TARS3: variants seen among roughly 807,000 people sequenced by gnomAD.
TARS3 encodes the protein threonine--tRNA ligase 2, cytoplasmic.
In TARS3, 94 loss-of-function variants were observed where a neutral mutation model predicts 103.5. That is an observed-to-expected ratio of 0.91 (90% CI 0.77 to 1.08). TARS3 has a LOEUF of 1.08. Among genes scored for constraint, TARS3 ranks in the 50% least tolerant of loss-of-function variants. The pLI is 0.00. For synonymous variants in TARS3, 416 were observed against 355.4 expected, an observed-to-expected ratio of 1.17 and a Z score of -1.92; for missense variants, 952 against 995.2, an observed-to-expected ratio of 0.96 and a Z score of 0.58.
chr15:101,673,862 G>A (rs1455628829), intron 13 of TARS3, among the ~76,000 whole-genome samples: 1 of 152,010 alleles, frequency 6.6e-6, no homozygotes, highest in African/African-American at 2.4e-5. Context: ...TATTAATCAC[G>A]TAAAAATAAT....
At chr15:101,658,964 G>C (rs890564237) in intron 16 of TARS3, among the ~76,000 whole-genome samples, 2 of 152,022 alleles carry the variant, frequency 1.3e-5, no homozygotes, top group Non-Finnish European at 2.9e-5. Flanking sequence ...GCTAATTTTT[G>C]TATTTTCAGT....
intron 10 of TARS3, among the ~76,000 whole-genome samples, chr15:101,691,324 G>C (rs1233038896): frequency 6.6e-6 from 1 of 151,112 alleles, no homozygotes; most frequent in Non-Finnish European, 1.5e-5. Flanking sequence ...CTCTTGCCCA[G>C]GCTGGAGTGC....
At chr15:101,724,034 G>T in intron 1 of TARS3, 57 bp downstream of exon 1, 1 of 1,311,992 alleles carries the variant, frequency 7.6e-7, no homozygotes, top group South Asian at 2.0e-5. Context: ...CTTTCGGTGC[G>T]CACCGTCTCG....
Position 101,721,341 on chromosome 15 carries a change from T to A in TARS3, c.370-19A>T. ...GCTTCACCTGGAAATTATTAGAACATAATGAGATTAATATATACAGCCTAC... is the reference window on the plus strand; with the variant it reads ...GCTTCACCTGGAAATTATTAGAACAAAATGAGATTAATATATACAGCCTAC... On this transcript the variant is annotated intron_variant, in intron 2 of 18. Coordinates refer to ENST00000335968, the MANE Select transcript of TARS3 (RefSeq NM_152334.3). 1 of 1,589,982 alleles carries A rather than the reference T, an allele frequency of 6.3e-7. No homozygotes were observed.
intron 12 of TARS3, among the ~76,000 whole-genome samples, chr15:101,683,045 T>C (rs1192446715): frequency 2.0e-5 from 3 of 152,198 alleles, no homozygotes; most frequent in Admixed American, 6.5e-5. Flanking sequence ...GGTTTATCAA[T>C]TTTATTGATC....
At chr15:101,718,260 CG>C (rs902009419) in intron 3 of TARS3, among the ~76,000 whole-genome samples, 109 of 150,920 alleles carry the variant, frequency 7.2e-4, no homozygotes, top group African/African-American at 2.6e-3. Context: ...CTCAACTACT[CG>C]GGAGGCTGAG....
intron 3 of TARS3, among the ~76,000 whole-genome samples, chr15:101,719,935 C>T (rs1900363838): frequency 6.6e-6 from 1 of 152,138 alleles, no homozygotes; most frequent in South Asian, 2.1e-4. Context: ...AGGTGGGATC[C>T]CCAAATTTGC....
chr15:101,714,818 TG>T (rs1443373574), intron 4 of TARS3, 21 bp downstream of exon 4: 2 of 1,596,444 alleles, frequency 1.3e-6, no homozygotes, highest in Admixed American at 3.4e-5. Flanking sequence ...AAAGTTTGGC[TG>T]TCTGGTTTTT....
At chr15:101,705,937 G>C (rs538182624) in intron 6 of TARS3, among the ~76,000 whole-genome samples, 190 bp from the exon 7 acceptor site, 1 of 152,166 alleles carries the variant, frequency 6.6e-6, no homozygotes, top group South Asian at 2.1e-4. Context: ...CGTGGCTACT[G>C]GGCATTTCAA....
chr15:101,664,658 T>A (rs555420062), intron 15 of TARS3, among the ~76,000 whole-genome samples: 6 of 152,148 alleles, frequency 3.9e-5, no homozygotes, highest in Non-Finnish European at 7.3e-5. Flanking sequence ...ACAACCGCCT[T>A]AGGATTTAAA....
chr15:101,705,784 A>G (rs1899527957), intron 6 of TARS3, 37 bp from the exon 7 acceptor site: 1 of 1,483,388 alleles, frequency 6.7e-7, no homozygotes, highest in East Asian at 2.3e-5. Flanking sequence ...TATTACACAC[A>G]ATGTTGAAAT....
Position 101,712,017 on chromosome 15 carries a change from A to G in TARS3, c.691-16T>C, listed in dbSNP as rs1899895583. 6.2e-7 allele frequency: 1 copy of G among 1,603,382 alleles called. No homozygotes were observed. Among genetic ancestry groups the G allele is most frequent in the Non-Finnish European group, 8.5e-7 (1 of 1,176,224 alleles). ...GCCAGTACACCTGCATGGCATGGAC[A>G]AAGAGGCCATTAGCTACCAAAAGTA... On this transcript the variant is annotated splice_polypyrimidine_tract_variant and intron_variant, in intron 4 of 18. Coordinates refer to ENST00000335968, the MANE Select transcript of TARS3 (RefSeq NM_152334.3).
chr15:101,684,150 C>A lies in TARS3; in HGVS notation c.1575G>T (p.Ser525=). The A allele has an allele frequency of 6.8e-6, 11 of 1,613,966 alleles. No individual in the cohort carries two copies. The highest frequency in any genetic ancestry group is 9.3e-6 in the Non-Finnish European group (11 of 1,179,934). Residue 525 remains serine (S), a synonymous_variant, in exon 12 of 19, where the codon TCG becomes TCT. Coordinates refer to ENST00000335968, the MANE Select transcript of TARS3 (RefSeq NM_152334.3). The stretch of plus-strand genomic sequence containing the variant: ...CTCTGGTCAAGCCGCTGAGAGTCCC[C>A]GACAGTTCATTTCTATGCAGAACTC... ...DFGVLHRNEL[S]GTLSGLTRVR...
At chr15:101,681,053 T>C (rs147497535) in intron 12 of TARS3, among the ~76,000 whole-genome samples, 5 of 152,332 alleles carry the variant, frequency 3.3e-5, no homozygotes, top group Non-Finnish European at 5.9e-5. Context: ...GTTGAACATA[T>C]TACCTTTCCT....
At chr15:101,671,366 T>C (rs1276925761) in intron 15 of TARS3, 120 bp downstream of exon 15, 5 of 716,006 alleles carry the variant, frequency 7.0e-6, no homozygotes, top group African/African-American at 1.8e-5. Flanking sequence ...AACAAATATA[T>C]ATTGCGTGTA....
Position 101,711,911 on chromosome 15 carries a change from C to G in TARS3, c.781G>C (p.Gly261Arg). 6.2e-7 allele frequency: 1 copy of G among 1,613,848 alleles called. No homozygotes were observed. The highest frequency in any genetic ancestry group is 1.1e-5 in the South Asian group (1 of 91,064). ...TCAATGAACATGTCATAATAAAATC[C>G]ATTTTCAATGGGCGGACCGTAGCAC... The part of the protein sequence containing the change: ...HLCYGPPIEN[G>R]FYYDMFIEDR... The change falls in exon 5 of 19, where the codon GGA (glycine) becomes CGA (arginine). Residue 261 changes from glycine to arginine, a missense_variant. Coordinates refer to ENST00000335968, the MANE Select transcript of TARS3 (RefSeq NM_152334.3).
At chr15:101,714,605 CAAAAA>C (rs35014693) in intron 4 of TARS3, 95 of 77,744 alleles carry the variant, frequency 1.2e-3, no homozygotes, top group East Asian at 2.3e-3. Context: ...GACTCCATCT[CAAAAA>C]AAAAAAAAAA....
chr15:101,685,034 G>A (rs374779195), intron 11 of TARS3, among the ~76,000 whole-genome samples: 2 of 152,054 alleles, frequency 1.3e-5, no homozygotes, highest in South Asian at 2.1e-4. Context: ...TTTACATACC[G>A]GTGTTCCTAA....
intron 12 of TARS3, among the ~76,000 whole-genome samples, chr15:101,675,971 C>T (rs991731533): frequency 4.1e-5 from 6 of 147,154 alleles, no homozygotes; most frequent in Non-Finnish European, 7.4e-5. Flanking sequence ...GGCAGCGCCG[C>T]GCACAGGAGA....
Sources: gnomAD v4.1 joint callset for allele counts (sites outside exome capture counted in the v4.1 genomes callset) on GRCh38, gnomAD v4.1.1 for gene constraint, MANE v1.5 for transcripts, NCBI Gene and HGNC (gene_info 2026-07-23, HGNC 2026-07-21) for gene names.